The following DNAH8 variants were observed in gnomAD, a reference collection of about 807,000 sequenced individuals.
DNAH8 encodes dynein axonemal heavy chain 8, also known as axonemal beta dynein heavy chain 8.
In DNAH8, 382 loss-of-function variants were observed where a neutral mutation model predicts 562.1. The ratio of observed to expected loss-of-function variants is 0.68; its 90% CI spans 0.63 to 0.74. The LOEUF (loss-of-function observed/expected upper bound fraction) is 0.74, where lower values mean the gene tolerates loss of function less well. Among genes scored for constraint, DNAH8 ranks in the 30% least tolerant of loss-of-function variants. The pLI is 0.00. For missense variants in DNAH8, 5,203 were observed against 5,620.4 expected, an observed-to-expected ratio of 0.93 and a Z score of 2.37; for synonymous variants, 1,881 against 1,919.4, an observed-to-expected ratio of 0.98 and a Z score of 0.52.
intron 82 of DNAH8, among the ~76,000 whole-genome samples, 172 bp from the exon 83 acceptor site, chr6:38,971,420 T>C (rs902159830): frequency 1.3e-5 from 2 of 151,296 alleles, no homozygotes; most frequent in African/African-American, 4.9e-5. Flanking sequence ...CTCTGCTCCA[T>C]GCATTTCTCT....
At chr6:38,772,827 AT>A (rs1338274801) in intron 12 of DNAH8, among the ~76,000 whole-genome samples, 1 of 150,346 alleles carries the variant, frequency 6.7e-6, no homozygotes, top group African/African-American at 2.4e-5. Flanking sequence ...TATTTATTAA[AT>A]TAAAAAAATT....
At position 38,937,981 on chromosome 6, in the gene DNAH8, G is replaced by C. The variant is rs1783104381; in HGVS notation, c.11571G>C (p.Leu3857Phe). 3 of 1,612,740 alleles carry C rather than the reference G, an allele frequency of 1.9e-6. No homozygotes were observed. Among genetic ancestry groups the C allele is most frequent in the Non-Finnish European group, 2.5e-6 (3 of 1,179,624 alleles). The part of the protein sequence containing the change: ...LYKLSATKGS[L>F]VDDESLIGVL... ...TCCTGTTTTGAATTTCAGGCTCATTGGTAGATGACGAATCTCTCATTGGTG... is the reference window on the plus strand; with the variant it reads ...TCCTGTTTTGAATTTCAGGCTCATTCGTAGATGACGAATCTCTCATTGGTG... The change falls in exon 78 of 93, where the codon TTG (leucine) becomes TTC (phenylalanine). Residue 3857 changes from leucine to phenylalanine, a missense_variant. Coordinates refer to ENST00000327475, the MANE Select transcript of DNAH8 (RefSeq NM_001206927.2).
chr6:38,857,727 T>C lies in DNAH8; in HGVS notation c.5943T>C (p.Asp1981=), dbSNP rs758036056. Residue 1981 remains aspartate (D), a synonymous_variant, in exon 42 of 93, where the codon GAT becomes GAC. Transcript: ENST00000327475. Reference sequence around the variant, plus strand: ...TTACCATCCATGTGCATCAGAGAGATATTTTTGATGACTTGGTAAGGTATC... The same window carrying C: ...TTACCATCCATGTGCATCAGAGAGACATTTTTGATGACTTGGTAAGGTATC... The part of the protein sequence containing the change: ...TLITIHVHQR[D]IFDDLVKMHI... 3 of 1,607,174 alleles carry C rather than the reference T, an allele frequency of 1.9e-6. No homozygotes were observed. The highest frequency in any genetic ancestry group is 2.6e-6 in the Non-Finnish European group (3 of 1,175,626).
intron 21 of DNAH8, among the ~76,000 whole-genome samples, chr6:38,802,483 C>G (rs1770870802): frequency 6.6e-6 from 1 of 152,168 alleles, no homozygotes; most frequent in Non-Finnish European, 1.5e-5. Context: ...AACTAGTTTT[C>G]TTTTCTGAAT....
chr6:38,911,214 A>G (rs1561850983), intron 65 of DNAH8, among the ~76,000 whole-genome samples: 1 of 152,232 alleles, frequency 6.6e-6, no homozygotes. Flanking sequence ...GGGGTAGAGC[A>G]GATATTCTTT....
intron 41 of DNAH8, among the ~76,000 whole-genome samples, chr6:38,855,317 G>A (rs1011846149): frequency 2.0e-5 from 3 of 152,026 alleles, no homozygotes; most frequent in Non-Finnish European, 4.4e-5. Context: ...CATGGCACAC[G>A]TTTACCTATG....
At chr6:38,837,011 A>G (rs1465068875) in intron 32 of DNAH8, among the ~76,000 whole-genome samples, 1 of 152,168 alleles carries the variant, frequency 6.6e-6, no homozygotes, top group Non-Finnish European at 1.5e-5. Flanking sequence ...CTTAGTGTTC[A>G]CATAGTCCCA....
intron 1 of DNAH8, among the ~76,000 whole-genome samples, chr6:38,715,921 AATAAATATATATATATAT>A (rs1762254498): frequency 6.9e-5 from 3 of 43,430 alleles, no homozygotes; most frequent in South Asian, 8.0e-4. Context: ...TAAATAAATA[AATAAATATATATATATAT>A]ATATATATAT....
At chr6:38,959,867 T>C (rs1203051660) in intron 82 of DNAH8, among the ~76,000 whole-genome samples, 4 of 151,796 alleles carry the variant, frequency 2.6e-5, no homozygotes, top group South Asian at 4.2e-4. Flanking sequence ...CTTCAAAATG[T>C]ACTACAAAGC....
intron 1 of DNAH8, among the ~76,000 whole-genome samples, chr6:38,722,298 T>C (rs1762816426): frequency 6.6e-6 from 1 of 152,208 alleles, no homozygotes. Flanking sequence ...TAATGAACTG[T>C]ATTGCATTAC....
At chr6:38,940,753 C>T (rs930030828) in intron 79 of DNAH8, among the ~76,000 whole-genome samples, 2 of 152,058 alleles carry the variant, frequency 1.3e-5, no homozygotes, top group Admixed American at 1.3e-4. Context: ...GTTTGAAAGG[C>T]GGGGAAACAG....
rs75690520 is a variant in DNAH8 at position 38,968,362 on chromosome 6, G to A, written c.12452-3230G>A. ...CATCAGAGGACAACCTATAAAATAG[G>A]AGAAAATATTTGCAAATCATACATC... On this transcript the variant is annotated intron_variant, in intron 82 of 92. Coordinates refer to ENST00000327475, the MANE Select transcript of DNAH8 (RefSeq NM_001206927.2). 3.0e-3 allele frequency among the ~76,000 whole-genome samples: 456 copies of A among 152,148 alleles called. 4 individuals carry two copies. Among genetic ancestry groups the A allele is most frequent in the African/African-American group, 0.01 (423 of 41,520 alleles).
chr6:38,723,139 C>A lies in DNAH8; in HGVS notation c.330C>A (p.Ser110=). 6.2e-7 allele frequency: 1 copy of A among 1,612,706 alleles called. No individual in the cohort carries two copies. Among genetic ancestry groups the A allele is most frequent in the Non-Finnish European group, 8.5e-7 (1 of 1,179,876 alleles). ...VLSLPSSRRS[S]RYRRSMSGLP... ...CCTTGCCGTCTTCCCGGAGGTCCTC[C>A]AGATACCGCCGGAGTATGAGTGGCC... is the stretch of plus-strand genomic sequence containing the variant. The change falls in exon 2 of 93, where the codon TCC becomes TCA. Residue 110 remains serine (S), a synonymous_variant. Transcript: ENST00000327475.
intron 12 of DNAH8, among the ~76,000 whole-genome samples, chr6:38,771,705 T>A (rs1223721408): frequency 6.6e-6 from 1 of 152,240 alleles, no homozygotes; most frequent in Admixed American, 6.5e-5. Context: ...ATCTATATTA[T>A]ACCATTTTTC....
At chr6:38,832,458 G>C (rs1254970488) in intron 31 of DNAH8, 23 bp downstream of exon 31, 6 of 1,406,176 alleles carry the variant, frequency 4.3e-6, no homozygotes, top group African/African-American at 1.4e-5. Flanking sequence ...TTTTCTTGCT[G>C]TATGTTGAAA....
intron 35 of DNAH8, 110 bp from the exon 36 acceptor site, chr6:38,845,464 C>T: frequency 1.4e-6 from 1 of 724,424 alleles, no homozygotes; most frequent in Non-Finnish European, 2.3e-6. Context: ...ACTAAATGAA[C>T]TGGGTGACTT....
chr6:38,990,237 A>G, intron 88 of DNAH8, 65 bp downstream of exon 88: 4 of 1,101,770 alleles, frequency 3.6e-6, no homozygotes, highest in South Asian at 3.1e-5. Context: ...AAGATGGTGC[A>G]TTTCATTTTC....
At chr6:38,988,219 G>A (rs1036028811) in intron 87 of DNAH8, among the ~76,000 whole-genome samples, 3 of 152,118 alleles carry the variant, frequency 2.0e-5, no homozygotes, top group Non-Finnish European at 4.4e-5. Flanking sequence ...TGTATTGGAT[G>A]TTCATGGGGT....
intron 82 of DNAH8, among the ~76,000 whole-genome samples, chr6:38,967,774 G>T (rs968622064): frequency 6.6e-6 from 1 of 151,838 alleles, no homozygotes; most frequent in Non-Finnish European, 1.5e-5. Context: ...TTGACAAGAC[G>T]ATCCTAAAAT....
Sources: gnomAD v4.1 joint callset for allele counts (sites outside exome capture counted in the v4.1 genomes callset) on GRCh38, gnomAD v4.1.1 for gene constraint, MANE v1.5 for transcripts, NCBI Gene and HGNC (gene_info 2026-07-23, HGNC 2026-07-21) for gene names.